Variants in RSPO1 observed in about 807,000 individuals in gnomAD.
The protein encoded by RSPO1 is R-spondin-1.
In RSPO1, 18 loss-of-function variants were observed where a neutral mutation model predicts 26.0. The observed-to-expected ratio is 0.69, with a 90% CI of 0.48 to 1.03. The LOEUF is 1.03. Among genes scored for constraint, RSPO1 ranks in the 50% least tolerant of loss-of-function variants. RSPO1 has a pLI of 0.00. For synonymous variants in RSPO1, 133 were observed against 137.4 expected (o/e 0.97, Z 0.22); for missense variants, 309 against 352.3 (o/e 0.88, Z 0.98).
In RSPO1 at chr1:37,616,630, C is replaced by T; in HGVS notation, c.140G>A (p.Cys47Tyr). The T allele has an allele frequency of 6.2e-7, 1 of 1,614,136 alleles. No individual in the cohort carries two copies. Among genetic ancestry groups the T allele is most frequent in the Non-Finnish European group, 8.5e-7 (1 of 1,180,040 alleles). The change falls in exon 4 of 7, where the codon TGC (cysteine) becomes TAC (tyrosine). Residue 47 changes from cysteine to tyrosine, a missense_variant. Coordinates refer to ENST00000356545, the MANE Select transcript of RSPO1 (RefSeq NM_001242908.2). ...CTTGAGGCAGCCGTTGACTTCAGAG[C>T]AGAGCTCACAGCCTTTGGCACAGGC... is the stretch of plus-strand genomic sequence containing the variant. ...SQACAKGCEL[C>Y]SEVNGCLKCS...
intron 1 of RSPO1, among the ~76,000 whole-genome samples, chr1:37,633,841 C>A (rs1644397307): frequency 6.6e-6 from 1 of 152,186 alleles, no homozygotes; most frequent in Non-Finnish European, 1.5e-5. Context: ...CCCCACCATC[C>A]CGCAGAGGCC....
intron 1 of RSPO1, among the ~76,000 whole-genome samples, chr1:37,633,933 G>A (rs948965392): frequency 2.0e-5 from 3 of 152,196 alleles, no homozygotes; most frequent in Non-Finnish European, 4.4e-5. Flanking sequence ...ACGTCTGAGA[G>A]GCCAGTTTCA....
rs1386835048 is a variant in RSPO1 at position 37,614,220 on chromosome 1, A to T, written c.400T>A (p.Ser134Thr). The change falls in exon 5 of 7, where the codon TCA (serine) becomes ACA (threonine). Residue 134 changes from serine (S) to threonine (T), a missense_variant. By Grantham distance (58) the Ser-to-Thr change is moderately conservative. Coordinates refer to ENST00000356545, the MANE Select transcript of RSPO1 (RefSeq NM_001242908.2). ...RCYPACPEGSSAANGTMECSS... is the reference protein window; with the variant it reads ...RCYPACPEGSTAANGTMECSS... ...CACTCCATGGTGCCATTGGCAGCTG[A>T]GGAGCCCTCGGGACAAGCTGGATAG... 1 of 1,613,384 alleles carries T rather than the reference A, an allele frequency of 6.2e-7. No homozygotes were observed. The highest frequency in any genetic ancestry group is 1.7e-5 in the Admixed American group (1 of 60,028).
chr1:37,627,858 C>G (rs911825108), intron 3 of RSPO1, among the ~76,000 whole-genome samples: 2 of 152,184 alleles, frequency 1.3e-5, no homozygotes, highest in Admixed American at 6.5e-5. Flanking sequence ...CACCTCTCCC[C>G]ACCCTTGCCT....
Position 37,629,928 on chromosome 1 carries a change from A to T in RSPO1, c.-267T>A, listed in dbSNP as rs190916306. 1 of 1,511,832 alleles carries T rather than the reference A, an allele frequency of 6.6e-7. No homozygotes were observed. The highest frequency in any genetic ancestry group is 2.0e-5 in the Admixed American group (1 of 50,950). 93.7% of individuals were successfully genotyped at this position (1,511,832 alleles called of 1,614,324 possible). On this transcript the variant is annotated 5_prime_UTR_variant, in exon 3 of 7. Transcript: ENST00000356545. ...TGAGAGATCTTTTTGTCACGTCAGC[A>T]GGGACTACTCCAAAAACCAACCTGT...
At position 37,613,573 on chromosome 1, in the gene RSPO1, G is replaced by A. The variant is rs116705220; in HGVS notation, c.625+131C>T. ...TCTGGATTGGACAGCATGAGGTCTT[G>A]AGTTGCGGGTGCCCCATCTGGCCTT... On this transcript the variant is annotated intron_variant, in intron 6 of 6. Transcript: ENST00000356545. The surrounding 1 kb of genome is among the most constrained non-coding windows in gnomAD (Gnocchi z 4.5). 13 of 736,886 alleles carry A rather than the reference G, an allele frequency of 1.8e-5. No individual in the cohort carries two copies. The highest frequency in any genetic ancestry group is 6.0e-5 in the Admixed American group (3 of 49,836). 45.6% of individuals were successfully genotyped at this position (736,886 alleles called of 1,614,324 possible).
Position 37,629,960 on chromosome 1 carries a change from A to G in RSPO1, c.-288-11T>C. 1 of 1,145,464 alleles carries G rather than the reference A, an allele frequency of 8.7e-7. No homozygotes were observed. The highest frequency in any genetic ancestry group is 1.3e-5 in the South Asian group (1 of 75,998). The allele number at this position is 1,145,464 out of a possible 1,614,324, so 71.0% of individuals were successfully genotyped here. The stretch of plus-strand genomic sequence containing the variant: ...ACTCCAAAAACCAACCTGTCAGGGA[A>G]GGAGAAAGAAGGGTTAATTCTGTAG... On this transcript the variant is annotated splice_polypyrimidine_tract_variant and intron_variant, in intron 2 of 6. Transcript: ENST00000356545.
intron 1 of RSPO1, among the ~76,000 whole-genome samples, chr1:37,632,685 C>A (rs1483832680): frequency 6.6e-6 from 1 of 152,208 alleles, no homozygotes; most frequent in East Asian, 1.9e-4. Context: ...ATTTGAAATG[C>A]TGGACAGGTC....
At position 37,613,795 on chromosome 1, in the gene RSPO1, C is replaced by T. The variant is rs773325947; in HGVS notation, c.534G>A (p.Arg178=). The change falls in exon 6 of 7, where the codon AGG becomes AGA. Residue 178 remains arginine, a synonymous_variant. Transcript: ENST00000356545. The surrounding 1 kb of genome is among the most constrained non-coding windows in gnomAD (Gnocchi z 4.5). The stretch of plus-strand genomic sequence containing the variant: ...GGTCCCCCACAGGGGCATGTAGCAC[C>T]CTGCGTGTCCGCTCCTCGGAGCCCC... ...FRRGSEERTR[R]VLHAPVGDHA... 8.7e-6 allele frequency: 14 copies of T among 1,613,934 alleles called. No homozygotes were observed. The East Asian group carries it at 2.9e-4, about 33-fold the overall frequency.
intron 3 of RSPO1, 30 bp from the exon 4 acceptor site, chr1:37,616,705 G>A (rs886884963): frequency 2.5e-6 from 4 of 1,603,546 alleles, no homozygotes; most frequent in African/African-American, 2.7e-5. Flanking sequence ...ATGAGAAGGC[G>A]GCTGTGGAGA....
Position 37,616,626 on chromosome 1 carries a change from A to C in RSPO1, c.144T>G (p.Ser48=). 1 of 1,614,164 alleles carries C rather than the reference A, an allele frequency of 6.2e-7. No individual in the cohort carries two copies. Among genetic ancestry groups the C allele is most frequent in the African/African-American group, 1.3e-5 (1 of 75,068 alleles). The change falls in exon 4 of 7, where the codon TCT becomes TCG. Residue 48 remains serine (S), a synonymous_variant. Coordinates refer to ENST00000356545, the MANE Select transcript of RSPO1 (RefSeq NM_001242908.2). The stretch of plus-strand genomic sequence containing the variant: ...AGCACTTGAGGCAGCCGTTGACTTC[A>C]GAGCAGAGCTCACAGCCTTTGGCAC... ...QACAKGCELC[S]EVNGCLKCSP... is the part of the protein sequence containing the mutation.
At chr1:37,616,362 C>G (rs552185077) in intron 4 of RSPO1, 122 bp downstream of exon 4, 1 of 836,552 alleles carries the variant, frequency 1.2e-6, no homozygotes, top group South Asian at 1.6e-5. Context: ...TGAATCGGAG[C>G]CTCATCTCCT....
chr1:37,629,540 C>T, intron 3 of RSPO1, 28 bp downstream of exon 3: 1 of 1,605,536 alleles, frequency 6.2e-7, no homozygotes, highest in Non-Finnish European at 8.5e-7. Flanking sequence ...CCAAGGCCAG[C>T]TGTGGCCCAC....
At position 37,612,499 on chromosome 1, in the gene RSPO1, GGT is replaced by G. The variant is rs139353088; in HGVS notation, c.*254_*255del. On this transcript the variant is annotated 3_prime_UTR_variant, in exon 7 of 7. Transcript: ENST00000356545. ...ATGGAAGTGTCTTCTGGTGGCCTCA[GGT>G]GTGTGTGTGTGTGTGTGTGTATGTG... 3,503 of 502,526 alleles carry G rather than the reference GGT, an allele frequency of 7.0e-3. 2 individuals are homozygous for G. The highest frequency in any genetic ancestry group is 0.013 in the South Asian group (544 of 42,456). 31.1% of individuals were successfully genotyped at this position (502,526 alleles called of 1,614,324 possible). A position where few individuals can be genotyped will look rare whatever the true frequency, so the allele number is the denominator to read the frequency against.
chr1:37,616,510 C>G lies in RSPO1; in HGVS notation c.260G>C (p.Arg87Pro). Residue 87 changes from arginine to proline, a missense_variant, in exon 4 of 7, where the codon CGC (arginine) becomes CCC (proline). Physicochemically the swap from Arg to Pro is moderately radical, Grantham distance 103. Transcript: ENST00000356545. ...GATGCACTTGTTCATGTCGGGGTTG[C>G]GGGCGTCGAAGTATCCAGGTGGGCA... ...PSCPPGYFDA[R>P]NPDMNKCIKC... 6.2e-7 allele frequency: 1 copy of G among 1,614,116 alleles called. No individual in the cohort carries two copies. Among genetic ancestry groups the G allele is most frequent in the Non-Finnish European group, 8.5e-7 (1 of 1,179,992 alleles).
At position 37,612,899 on chromosome 1, in the gene RSPO1, G is replaced by GCCTCCCTTCCTCCTCTTCTGC. The variant is rs775992037; in HGVS notation, c.627_647dup (p.Lys211_Gln217dup). The GCCTCCCTTCCTCCTCTTCTGC allele has an allele frequency of 6.2e-7, 1 of 1,614,076 alleles. No individual in the cohort carries two copies. The highest frequency in any genetic ancestry group is 2.2e-5 in the East Asian group (1 of 44,884). On this transcript the variant is annotated inframe_insertion, in exon 7 of 7. Transcript: ENST00000356545. ...TGTTGGCATTCTCCCGCCGGCCCTG[G>GCCTCCCTTCCTCCTCTTCTGC]CCTCCCTTCCTCCTCTTCTGCCCTG...
chr1:37,613,328 C>A lies in RSPO1; in HGVS notation c.625+376G>T, dbSNP rs1461103742. 1.3e-5 allele frequency among the ~76,000 whole-genome samples: 2 copies of A among 152,244 alleles called. No homozygotes were observed. Among genetic ancestry groups the A allele is most frequent in the African/African-American group, 2.4e-5 (1 of 41,464 alleles). Reference sequence around the variant, plus strand: ...GGGGCCAGGCAAGAGCAGCAGCCAACCCCTTGCCAACTGCAGGCTGTGTGA... The same window carrying A: ...GGGGCCAGGCAAGAGCAGCAGCCAAACCCTTGCCAACTGCAGGCTGTGTGA... On this transcript the variant is annotated intron_variant, in intron 6 of 6. Transcript: ENST00000356545. The surrounding 1 kb of genome is among the most constrained non-coding windows in gnomAD (Gnocchi z 4.5).
Position 37,613,625 on chromosome 1 carries a change from G to A in RSPO1, c.625+79C>T. ...CCCTGAAGCTTCTTCCTGAGCCGTG[G>A]GCAGGAAGCAGAGGTGGCAGGACCT... On this transcript the variant is annotated intron_variant, in intron 6 of 6. Coordinates refer to ENST00000356545, the MANE Select transcript of RSPO1 (RefSeq NM_001242908.2). This position sits in a 1 kb window ranked among gnomAD's most constrained non-coding sequence, Gnocchi z 4.5. The A allele has an allele frequency of 8.0e-7, 1 of 1,255,692 alleles. No homozygotes were observed. The highest frequency in any genetic ancestry group is 1.1e-6 in the Non-Finnish European group (1 of 872,914). 77.8% of individuals were successfully genotyped at this position (1,255,692 alleles called of 1,614,324 possible).
rs56294873 is a variant in RSPO1, at chr1:37,620,629, AAATAATAATAATAAT to A, written c.95-3969_95-3955del. 1.5e-3 allele frequency among the ~76,000 whole-genome samples: 216 copies of A among 146,082 alleles called. 1 individual carries two copies. The highest frequency in any genetic ancestry group is 5.3e-3 in the African/African-American group (212 of 39,694). On this transcript the variant is annotated intron_variant, in intron 3 of 6. Transcript: ENST00000356545. ...AGGTGATGAGCGAGACTCTGTCTCA[AAATAATAATAATAAT>A]AATAATAATAATAATATATGATAAA...
Sources: allele counts gnomAD v4.1 joint callset (sites outside exome capture counted in the v4.1 genomes callset), GRCh38; gene constraint gnomAD v4.1.1; non-coding constraint Gnocchi (gnomAD v3.1); transcripts MANE v1.5; gene names NCBI Gene and HGNC (gene_info 2026-07-23, HGNC 2026-07-21).